NBEA: variants seen among roughly 807,000 people sequenced by gnomAD.
NBEA encodes the protein lysosomal-trafficking regulator 2.
In NBEA, 44 loss-of-function variants were observed where a neutral mutation model predicts 343.4. The ratio of observed to expected loss-of-function variants is 0.13; its 90% confidence interval spans 0.10 to 0.16. NBEA has a LOEUF of 0.16. Among genes scored for constraint, NBEA ranks in the 10% least tolerant of loss-of-function variants. The pLI, the probability that NBEA is intolerant of heterozygous loss-of-function variation, is 1.00. For missense variants in NBEA, 2,555 were observed against 3,631.3 expected, an observed-to-expected ratio of 0.70 and a Z score of 7.62; for synonymous variants, 1,175 against 1,238.7, an observed-to-expected ratio of 0.95 and a Z score of 1.08.
intron 1 of NBEA, among the ~76,000 whole-genome samples, chr13:34,970,617 G>T (rs898205697): frequency 2.0e-5 from 3 of 152,100 alleles, no homozygotes; most frequent in African/African-American, 7.2e-5. Context: ...AGTTATCTTA[G>T]CACCATTTAT....
At chr13:34,945,862 A>G (rs1454837521) in intron 1 of NBEA, among the ~76,000 whole-genome samples, 1 of 152,110 alleles carries the variant, frequency 6.6e-6, no homozygotes, top group Non-Finnish European at 1.5e-5. Context: ...GGGCAGAGTG[A>G]AGTTTTAAGC....
rs111878069 is a variant in NBEA at position 35,176,658 on chromosome 13, C to T, written c.4555-338C>T. Among the ~76,000 whole-genome samples the T allele has an allele frequency of 6.7e-3, 1,019 of 151,904 alleles. 10 individuals are homozygous for T. Among genetic ancestry groups the T allele is most frequent in the African/African-American group, 0.024 (981 of 41,466 alleles). ...TATAAAAGCATGATGGATAAATGAA[C>T]CCAGAGGCTCAAAGAGATTTGTTAA... On this transcript the variant is annotated intron_variant, in intron 27 of 58. Transcript: ENST00000379939.
At chr13:35,075,462 A>G in intron 10 of NBEA, among the ~76,000 whole-genome samples, 1 of 152,172 alleles carries the variant, frequency 6.6e-6, no homozygotes, top group Non-Finnish European at 1.5e-5. Flanking sequence ...AATTATCTTA[A>G]GTATATGAAT....
chr13:35,633,775 TAGA>T (rs2083573284), intron 49 of NBEA, among the ~76,000 whole-genome samples: 3 of 152,154 alleles, frequency 2.0e-5, no homozygotes, highest in African/African-American at 7.2e-5. Flanking sequence ...GAAGTTATCT[TAGA>T]AGAACTTTTG....
chr13:35,298,929 A>G (rs2036345319), intron 35 of NBEA, among the ~76,000 whole-genome samples: 1 of 152,080 alleles, frequency 6.6e-6, no homozygotes. Flanking sequence ...AAAATGAAAT[A>G]AATGGTACTT....
chr13:35,386,037 C>T (rs887084408), intron 38 of NBEA, among the ~76,000 whole-genome samples: 1 of 151,650 alleles, frequency 6.6e-6, no homozygotes, highest in African/African-American at 2.4e-5. Flanking sequence ...TACACATTTT[C>T]TGAATATATA....
chr13:35,358,041 A>G (rs1375573895), intron 38 of NBEA, among the ~76,000 whole-genome samples: 2 of 151,890 alleles, frequency 1.3e-5, no homozygotes, highest in Non-Finnish European at 1.5e-5. Context: ...TTTTCAATTG[A>G]GATGGAGTCT....
chr13:35,538,541 G>A (rs1050353827), intron 41 of NBEA, among the ~76,000 whole-genome samples: 2 of 152,142 alleles, frequency 1.3e-5, no homozygotes, highest in Non-Finnish European at 2.9e-5. Context: ...GTAACTAAGC[G>A]GCACAGCAGC....
At chr13:35,516,738 G>A (rs545718003) in intron 41 of NBEA, among the ~76,000 whole-genome samples, 2 of 152,212 alleles carry the variant, frequency 1.3e-5, no homozygotes, top group African/African-American at 2.4e-5. Flanking sequence ...TATCTTTTCT[G>A]TAGAGTAAGG....
At chr13:35,493,113 G>T (rs2076557253) in intron 41 of NBEA, among the ~76,000 whole-genome samples, 3 of 151,884 alleles carry the variant, frequency 2.0e-5, no homozygotes, top group Admixed American at 1.3e-4. Flanking sequence ...AAGATTCTGG[G>T]TGGAGAGGGA....
At chr13:35,429,771 A>G (rs1341373606) in intron 38 of NBEA, among the ~76,000 whole-genome samples, 2 of 138,866 alleles carry the variant, frequency 1.4e-5, no homozygotes, top group Admixed American at 1.5e-4. Flanking sequence ...TTTCTCACCC[A>G]CCTCCCACCC....
At chr13:35,534,771 A>G (rs1195181997) in intron 41 of NBEA, among the ~76,000 whole-genome samples, 1 of 152,170 alleles carries the variant, frequency 6.6e-6, no homozygotes, top group Admixed American at 6.6e-5. Flanking sequence ...TCTTGTTCAC[A>G]ATGTGTCCCA....
intron 8 of NBEA, among the ~76,000 whole-genome samples, chr13:35,060,714 C>CTTTT (rs34983091): frequency 6.7e-6 from 1 of 150,050 alleles, no homozygotes; most frequent in African/African-American, 2.5e-5. Flanking sequence ...TATTAAAAAG[C>CTTTT]TTTTTTTTTC....
chr13:35,616,750 C>T (rs567818288), intron 48 of NBEA, among the ~76,000 whole-genome samples: 5 of 152,280 alleles, frequency 3.3e-5, no homozygotes, highest in African/African-American at 1.2e-4. Flanking sequence ...ACTTATATTG[C>T]ACATAAATTA....
intron 35 of NBEA, among the ~76,000 whole-genome samples, chr13:35,299,057 T>A (rs1423486893): frequency 1.3e-5 from 2 of 152,126 alleles, no homozygotes; most frequent in African/African-American, 4.8e-5. Flanking sequence ...TTATACTTAC[T>A]GACTTCAACT....
Position 35,168,974 on chromosome 13 carries a change from A to G in NBEA, c.4234-13A>G, listed in dbSNP as rs769146588. 4.1e-6 allele frequency: 6 copies of G among 1,471,818 alleles called. No individual in the cohort carries two copies. Among genetic ancestry groups the G allele is most frequent in the Non-Finnish European group, 5.4e-6 (6 of 1,110,566 alleles). The allele number at this position is 1,471,818 out of a possible 1,614,324, so 91.2% of individuals were successfully genotyped here. A position where few individuals can be genotyped will look rare whatever the true frequency, so the allele number is the denominator to read the frequency against. Reference sequence around the variant, plus strand: ...TTTTGGTCTGTTGTCTGTTTTGTCTAATGCATGTCCAGGGTTCTAAGGTTA... The same window carrying G: ...TTTTGGTCTGTTGTCTGTTTTGTCTGATGCATGTCCAGGGTTCTAAGGTTA... On this transcript the variant is annotated splice_polypyrimidine_tract_variant and intron_variant, in intron 24 of 58. Transcript: ENST00000379939.
chr13:35,429,755 C>A (rs1178630262), intron 38 of NBEA, among the ~76,000 whole-genome samples: 1 of 150,272 alleles, frequency 6.7e-6, no homozygotes, highest in African/African-American at 2.5e-5. Flanking sequence ...AATGTGTAGT[C>A]TTTTATTTCT....
intron 38 of NBEA, 89 bp downstream of exon 38, chr13:35,352,412 T>G (rs1452187602): frequency 1.5e-6 from 1 of 671,844 alleles, no homozygotes; most frequent in Non-Finnish European, 2.1e-6. Context: ...TTAAAAGTCA[T>G]TTAGAAAATA....
intron 1 of NBEA, among the ~76,000 whole-genome samples, chr13:35,022,988 A>G (rs1033613306): frequency 6.6e-6 from 1 of 152,152 alleles, no homozygotes; most frequent in Non-Finnish European, 1.5e-5. Flanking sequence ...GCTTTATAAT[A>G]TAGATTGTGC....
Sources: gnomAD v4.1 joint callset for allele counts (sites outside exome capture counted in the v4.1 genomes callset) on GRCh38, gnomAD v4.1.1 for gene constraint, MANE v1.5 for transcripts, NCBI Gene and HGNC (gene_info 2026-07-23, HGNC 2026-07-21) for gene names.